The following TNIK variants were observed in gnomAD, a reference collection of about 807,000 sequenced individuals.
The protein encoded by TNIK is TRAF2 and NCK interacting kinase.
In TNIK, 49 loss-of-function variants were observed where a neutral mutation model predicts 191.3. The observed-to-expected ratio is 0.26, with a 90% confidence interval of 0.20 to 0.32. The LOEUF (loss-of-function observed/expected upper bound fraction) is 0.32. Among genes scored for constraint, TNIK ranks in the 10% least tolerant of loss-of-function variants. The pLI is 1.00. For missense variants in TNIK, 1,155 were observed against 1,702.3 expected, an observed-to-expected ratio of 0.68 and a Z score of 5.66; for synonymous variants, 594 against 600.9, an observed-to-expected ratio of 0.99 and a Z score of 0.17.
intron 2 of TNIK, among the ~76,000 whole-genome samples, chr3:171,322,424 T>A (rs546375644): frequency 6.6e-6 from 1 of 152,230 alleles, no homozygotes; most frequent in Non-Finnish European, 1.5e-5. Flanking sequence ...ACACTCCCAA[T>A]TTTCACAGGT....
rs2108286326 is a variant in TNIK, at chr3:171,060,724, T to A, written c.*3157A>T. 6.6e-6 allele frequency among the ~76,000 whole-genome samples: 1 copy of A among 152,292 alleles called. No homozygotes were observed. Among genetic ancestry groups the A allele is most frequent in the East Asian group, 1.9e-4 (1 of 5,182 alleles). The stretch of plus-strand genomic sequence containing the variant: ...AAGAGCCTCATTATTTGAAGGAACT[T>A]CACTGGTCATCCATTCCTACCACCA... On this transcript the variant is annotated 3_prime_UTR_variant, in exon 33 of 33. Transcript: ENST00000436636.
chr3:171,177,405 AC>A (rs1256879713), intron 7 of TNIK, 25 bp from the exon 8 acceptor site: 1 of 1,595,354 alleles, frequency 6.3e-7, no homozygotes, highest in Non-Finnish European at 8.5e-7. Context: ...GCAGACACAC[AC>A]ATAAATTCAG....
intron 3 of TNIK, among the ~76,000 whole-genome samples, chr3:171,222,229 G>T (rs1742434584): frequency 6.6e-6 from 1 of 152,130 alleles, no homozygotes. Flanking sequence ...GATGTCTGTG[G>T]AGAGTGTGGG....
chr3:171,104,632 T>A (rs1173704164), intron 21 of TNIK, among the ~76,000 whole-genome samples: 1 of 152,046 alleles, frequency 6.6e-6, no homozygotes, highest in East Asian at 1.9e-4. Context: ...CTCTTTTAGG[T>A]CCCTTTTTAG....
rs752961541 is a variant in TNIK, at chr3:171,157,473, C to A, written c.1208G>T (p.Arg403Leu). The change falls in exon 12 of 33, where the codon CGG becomes CTG. Residue 403 changes from arginine (R) to leucine (L), a missense_variant. Physicochemically the swap from Arg to Leu is moderately radical, Grantham distance 102. Coordinates refer to ENST00000436636, the MANE Select transcript of TNIK (RefSeq NM_015028.4). ...KRIEEQKEQR[R>L]RLEEQQRREK... Reference sequence around the variant, plus strand: ...GCAGGTCCTCACCTCCTCCAGCCGCCGCCTCTGCTCTTTCTGCTCCTCGAT... The same window carrying A: ...GCAGGTCCTCACCTCCTCCAGCCGCAGCCTCTGCTCTTTCTGCTCCTCGAT... 6.4e-7 allele frequency: 1 copy of A among 1,565,850 alleles called. No homozygotes were observed. The highest frequency in any genetic ancestry group is 8.7e-7 in the Non-Finnish European group (1 of 1,155,810).
At chr3:171,223,703 A>G (rs1042479176) in intron 3 of TNIK, among the ~76,000 whole-genome samples, 16 of 152,318 alleles carry the variant, frequency 1.1e-4, no homozygotes, top group Admixed American at 1.3e-4. Context: ...ATTAATATAT[A>G]GAAAGTATTT....
At chr3:171,322,839 CTTTTTTTT>C (rs10617013) in intron 2 of TNIK, among the ~76,000 whole-genome samples, 13 of 136,328 alleles carry the variant, frequency 9.5e-5, no homozygotes, top group African/African-American at 3.3e-4. Context: ...GTTTTCTTTT[CTTTTTTTT>C]TTTTTTTTTA....
intron 2 of TNIK, among the ~76,000 whole-genome samples, chr3:171,256,124 T>TC (rs926569960): frequency 1.7e-4 from 26 of 152,268 alleles, no homozygotes; most frequent in African/African-American, 6.0e-4. Flanking sequence ...TACCCAATGG[T>TC]CCTCTTCCCT....
chr3:171,141,897 A>G (rs1216801143), intron 12 of TNIK, among the ~76,000 whole-genome samples: 6 of 152,232 alleles, frequency 3.9e-5, no homozygotes, highest in Admixed American at 3.3e-4. Context: ...CCAGAGTGGA[A>G]TAAATTGTGA....
At chr3:171,375,600 A>C (rs558428651) in intron 1 of TNIK, among the ~76,000 whole-genome samples, 1 of 152,348 alleles carries the variant, frequency 6.6e-6, no homozygotes, top group East Asian at 1.9e-4. Flanking sequence ...GAGAGATTTA[A>C]GATCTAGGGT....
At chr3:171,083,843 A>G (rs1576760864) in intron 26 of TNIK, among the ~76,000 whole-genome samples, 1 of 152,160 alleles carries the variant, frequency 6.6e-6, no homozygotes, top group East Asian at 1.9e-4. Flanking sequence ...ATCACATTAT[A>G]GGCTTTGCTT....
intron 1 of TNIK, among the ~76,000 whole-genome samples, chr3:171,451,878 A>T (rs966947295): frequency 2.0e-5 from 3 of 152,226 alleles, no homozygotes; most frequent in Non-Finnish European, 2.9e-5. Flanking sequence ...CCTACAGTTA[A>T]TCACATTTCA....
chr3:171,359,934 G>A (rs767959346), intron 2 of TNIK, among the ~76,000 whole-genome samples: 5 of 152,132 alleles, frequency 3.3e-5, no homozygotes, highest in African/African-American at 9.7e-5. Flanking sequence ...TTACTTGAAA[G>A]TGCCTTATAA....
At chr3:171,177,166 C>A (rs975193756) in intron 8 of TNIK, among the ~76,000 whole-genome samples, 160 bp downstream of exon 8, 1 of 150,970 alleles carries the variant, frequency 6.6e-6, no homozygotes, top group Non-Finnish European at 1.5e-5. Flanking sequence ...TGAATGGATT[C>A]CTGGTTGATT....
chr3:171,166,275 T>G (rs1287890520), intron 10 of TNIK, among the ~76,000 whole-genome samples: 1 of 152,232 alleles, frequency 6.6e-6, no homozygotes, highest in Non-Finnish European at 1.5e-5. Flanking sequence ...TTCTACAAAA[T>G]GCACTCCCCT....
chr3:171,340,091 AAAT>A (rs1282560095), intron 2 of TNIK, among the ~76,000 whole-genome samples: 1 of 152,220 alleles, frequency 6.6e-6, no homozygotes, highest in East Asian at 1.9e-4. Context: ...TCTACCATTA[AAAT>A]ATTATAAAGA....
At position 171,400,688 on chromosome 3, in the gene TNIK, T is replaced by C. The variant is rs16856284; in HGVS notation, c.58-31003A>G. Among the ~76,000 whole-genome samples the C allele has an allele frequency of 3.2e-3, 486 of 152,368 alleles. 2 individuals carry two copies. Among genetic ancestry groups the C allele is most frequent in the African/African-American group, 0.011 (473 of 41,576 alleles). ...TTTTTGTAAATACAGTTCCATATTA[T>C]TCTTAATGTTGCTGAAAAATATTTT... On this transcript the variant is annotated intron_variant, in intron 1 of 32. Coordinates refer to ENST00000436636, the MANE Select transcript of TNIK (RefSeq NM_015028.4).
At chr3:171,263,675 A>G (rs1438908453) in intron 2 of TNIK, among the ~76,000 whole-genome samples, 2 of 152,030 alleles carry the variant, frequency 1.3e-5, no homozygotes, top group Admixed American at 1.3e-4. Flanking sequence ...AGTTCAGTGA[A>G]GGTCATAGAA....
At chr3:171,206,285 G>A (rs1280450046) in intron 4 of TNIK, among the ~76,000 whole-genome samples, 2 of 145,174 alleles carry the variant, frequency 1.4e-5, no homozygotes, top group African/African-American at 2.5e-5. Context: ...ATATACATAT[G>A]TATGTACACA....
Sources: gnomAD v4.1 joint callset for allele counts (sites outside exome capture counted in the v4.1 genomes callset) on GRCh38, gnomAD v4.1.1 for gene constraint, MANE v1.5 for transcripts, NCBI Gene and HGNC (gene_info 2026-07-23, HGNC 2026-07-21) for gene names.